DLG2: variants seen among roughly 807,000 people sequenced by gnomAD.
The protein encoded by DLG2 is discs large MAGUK scaffold protein 2.
A neutral mutation model predicts 132.5 loss-of-function variants in DLG2; 45 were observed. The ratio of observed to expected loss-of-function variants is 0.34; its 90% confidence interval spans 0.27 to 0.44. The LOEUF (loss-of-function observed/expected upper bound fraction) is 0.44. Among genes scored for constraint, DLG2 ranks in the 20% least tolerant of loss-of-function variants. The pLI is 1.00. For missense variants in DLG2, 1,045 were observed against 1,196.9 expected, an observed-to-expected ratio of 0.87 and a Z score of 1.87; for synonymous variants, 424 against 419.6, an observed-to-expected ratio of 1.01 and a Z score of -0.13.
At position 83,669,480 on chromosome 11, in the gene DLG2, A is replaced by C. The variant is rs578207012; in HGVS notation, c.1826-36155T>G. Among the ~76,000 whole-genome samples, 4 of 152,296 alleles carry C rather than the reference A, an allele frequency of 2.6e-5. No individual in the cohort carries two copies. The East Asian group carries it at 7.7e-4, about 29-fold the overall frequency. The stretch of plus-strand genomic sequence containing the variant: ...ATGTATACATATATTATAGATATGC[A>C]ATACACAATTAAGGCTCACAAAAGA... On this transcript the variant is annotated intron_variant, in intron 18 of 27. Transcript: ENST00000376104.
intron 3 of DLG2, among the ~76,000 whole-genome samples, chr11:85,573,241 G>C (rs991947635): frequency 6.6e-5 from 10 of 152,130 alleles, no homozygotes; most frequent in African/African-American, 2.4e-4. Flanking sequence ...TTTGTTTATA[G>C]CAATGCAAGA....
intron 18 of DLG2, among the ~76,000 whole-genome samples, chr11:83,651,313 A>G (rs1361861005): frequency 6.6e-6 from 1 of 152,190 alleles, no homozygotes; most frequent in Non-Finnish European, 1.5e-5. Flanking sequence ...AACATTTCTG[A>G]GTTGGAAATA....
chr11:85,546,320 C>T (rs1473700518), intron 3 of DLG2, among the ~76,000 whole-genome samples: 1 of 152,146 alleles, frequency 6.6e-6, no homozygotes, highest in Non-Finnish European at 1.5e-5. Flanking sequence ...GTTTCTTAAT[C>T]CTGAGTTCTA....
chr11:84,907,826 A>C (rs1324876563), intron 6 of DLG2, among the ~76,000 whole-genome samples: 1 of 152,172 alleles, frequency 6.6e-6, no homozygotes, highest in East Asian at 1.9e-4. Context: ...TGTACATTTT[A>C]ATGGAAAAAG....
intron 19 of DLG2, among the ~76,000 whole-genome samples, chr11:83,591,230 CA>C (rs2097182070): frequency 7.2e-6 from 1 of 139,008 alleles, no homozygotes; most frequent in South Asian, 2.5e-4. Flanking sequence ...AACATTGATG[CA>C]AAAATCCTCA....
At chr11:84,997,522 G>A (rs768807419) in intron 6 of DLG2, 2 of 152,140 alleles carry the variant, frequency 1.3e-5, no homozygotes, top group Non-Finnish European at 2.9e-5. Flanking sequence ...GTCCTGGGAG[G>A]TTTTCTAAAC....
intron 4 of DLG2, among the ~76,000 whole-genome samples, chr11:85,238,204 ATTTT>A (rs1207924446): frequency 3.0e-5 from 4 of 133,314 alleles, no homozygotes; most frequent in Non-Finnish European, 4.7e-5. Flanking sequence ...TTTTATTTTT[ATTTT>A]ATTTATTTAT....
At chr11:85,299,245 T>A (rs192332643) in intron 3 of DLG2, among the ~76,000 whole-genome samples, 4 of 152,154 alleles carry the variant, frequency 2.6e-5, no homozygotes, top group African/African-American at 4.8e-5. Flanking sequence ...GTTTGCCCAG[T>A]TTGCTTAATT....
intron 3 of DLG2, among the ~76,000 whole-genome samples, chr11:85,586,235 G>C (rs1402458008): frequency 2.0e-5 from 3 of 151,472 alleles, no homozygotes; most frequent in Admixed American, 6.6e-5. Flanking sequence ...GAATGATTTA[G>C]GGAGGATTCC....
rs141939412 is a variant in DLG2 at position 83,559,038 on chromosome 11, T to C, written c.1941-17180A>G. 8.9e-3 allele frequency among the ~76,000 whole-genome samples: 1,351 copies of C among 152,140 alleles called. 10 individuals are homozygous for C. Among genetic ancestry groups the C allele is most frequent in the Admixed American group, 0.014 (208 of 15,270 alleles). ...TGAATAAATTGAAGAAGAAGTAACA[T>C]GAATTCCAATCATGGGGAACCAGAC... is the stretch of plus-strand genomic sequence containing the variant. On this transcript the variant is annotated intron_variant, in intron 19 of 27. Coordinates refer to ENST00000376104, the MANE Select transcript of DLG2 (RefSeq NM_001142699.3).
chr11:84,367,454 G>A (rs1205840928), intron 7 of DLG2, among the ~76,000 whole-genome samples: 1 of 152,108 alleles, frequency 6.6e-6, no homozygotes, highest in African/African-American at 2.4e-5. Flanking sequence ...ATTCAAGCAG[G>A]ATGATTGTTT....
At chr11:83,609,520 G>T (rs140554372) in intron 19 of DLG2, among the ~76,000 whole-genome samples, 3 of 152,248 alleles carry the variant, frequency 2.0e-5, no homozygotes, top group African/African-American at 7.2e-5. Context: ...CAAAGTAGGA[G>T]AATCTGATTT....
intron 7 of DLG2, among the ~76,000 whole-genome samples, chr11:84,471,655 T>G (rs778510209): frequency 9.9e-5 from 15 of 151,788 alleles, no homozygotes; most frequent in Non-Finnish European, 2.1e-4. Context: ...ATCTGAGCTC[T>G]CAATTAGGTT....
intron 26 of DLG2, among the ~76,000 whole-genome samples, chr11:83,465,759 G>T (rs1371622318): frequency 6.6e-6 from 1 of 152,108 alleles, no homozygotes; most frequent in East Asian, 1.9e-4. Flanking sequence ...AGCTCTATGA[G>T]GTATTTATTA....
chr11:84,249,416 G>A (rs2097343501), intron 8 of DLG2, among the ~76,000 whole-genome samples: 1 of 152,172 alleles, frequency 6.6e-6, no homozygotes, highest in Non-Finnish European at 1.5e-5. Context: ...ACAGGTAACA[G>A]CATGTTAGAA....
chr11:85,422,081 A>G (rs962094331), intron 3 of DLG2, among the ~76,000 whole-genome samples: 1 of 152,168 alleles, frequency 6.6e-6, no homozygotes, highest in African/African-American at 2.4e-5. Context: ...GTTTTCCTTT[A>G]TAGGTTACCT....
At chr11:83,632,192 G>A (rs2063681582) in intron 19 of DLG2, 1 of 152,126 alleles carries the variant, frequency 6.6e-6, no homozygotes, top group African/African-American at 2.4e-5. Flanking sequence ...GCCCTGCTGT[G>A]AATACCAAAT....
intron 8 of DLG2, among the ~76,000 whole-genome samples, chr11:84,197,413 C>A (rs1411978269): frequency 6.6e-6 from 1 of 152,054 alleles, no homozygotes; most frequent in Non-Finnish European, 1.5e-5. Context: ...ATTTGTATAG[C>A]CATTTTTAAA....
intron 21 of DLG2, among the ~76,000 whole-genome samples, chr11:83,520,883 G>T (rs2095462708): frequency 6.6e-6 from 1 of 152,176 alleles, no homozygotes; most frequent in South Asian, 2.1e-4. Context: ...GGAGTAACTG[G>T]TCTGTCTCAG....
Sources: gnomAD v4.1 joint callset for allele counts (sites outside exome capture counted in the v4.1 genomes callset) on GRCh38, gnomAD v4.1.1 for gene constraint, MANE v1.5 for transcripts, NCBI Gene and HGNC (gene_info 2026-07-23, HGNC 2026-07-21) for gene names.